The following KBTBD4 variants were observed in gnomAD, a reference collection of about 807,000 sequenced individuals.
KBTBD4 encodes the protein kelch repeat and BTB domain-containing protein 4.
In KBTBD4, 30 loss-of-function variants were observed where a neutral mutation model predicts 43.9. The ratio of observed to expected loss-of-function variants is 0.68; its 90% CI spans 0.51 to 0.93. The LOEUF is 0.93. KBTBD4 is among the 40% of genes least tolerant of loss of function. The pLI, the probability that KBTBD4 is intolerant of heterozygous loss-of-function variation, is 0.00. For missense variants in KBTBD4, 575 were observed against 668.8 expected (o/e 0.86, Z 1.55); for synonymous variants, 258 against 256.9 (o/e 1.00, Z -0.04).
Position 47,577,757 on chromosome 11 carries a change from G to C in KBTBD4, c.291C>G (p.Ala97=), listed in dbSNP as rs747496830. 6.2e-7 allele frequency: 1 copy of C among 1,614,140 alleles called. No homozygotes were observed. Among genetic ancestry groups the C allele is most frequent in the Admixed American group, 1.7e-5 (1 of 60,002 alleles). Residue 97 remains alanine (A), a synonymous_variant, in exon 2 of 4, where the codon GCC becomes GCG. Transcript: ENST00000430070. ...CCTGCAGCACAATCACCCGGTTGTG[G>C]GCCTCCTTCAGGTTGGAAGTGAACA... The part of the protein sequence containing the change: ...RSMFTSNLKE[A]HNRVIVLQDV...
chr11:47,577,165 T>C (rs1238870307), intron 2 of KBTBD4, among the ~76,000 whole-genome samples: 3 of 152,210 alleles, frequency 2.0e-5, no homozygotes, highest in Non-Finnish European at 4.4e-5. Context: ...CACTCCTCAC[T>C]ACTCTGTGTG....
chr11:47,573,293 T>C lies in KBTBD4; in HGVS notation c.1242A>G (p.Arg414=), dbSNP rs143123317. The change falls in exon 4 of 4, where the codon CGA becomes CGG. Residue 414 remains arginine (R), a synonymous_variant. Coordinates refer to ENST00000430070, the MANE Select transcript of KBTBD4 (RefSeq NM_018095.6). This position sits in a 1 kb window ranked among gnomAD's most constrained non-coding sequence, Gnocchi z 4.1. ...TCTCTGTGTCAAAGCACTGGATGAG[T>C]CGGGAAGGTTTGGTAAAGAAGTCCA... The part of the protein sequence containing the change: ...NDLDFFTKPS[R]LIQCFDTETD... 11 of 1,613,854 alleles carry C rather than the reference T, an allele frequency of 6.8e-6. No homozygotes were observed. The highest frequency in any genetic ancestry group is 9.3e-6 in the Non-Finnish European group (11 of 1,179,982).
Position 47,572,877 on chromosome 11 carries a change from G to A in KBTBD4, c.*53C>T, listed in dbSNP as rs2097251756. 7 of 1,559,832 alleles carry A rather than the reference G, an allele frequency of 4.5e-6. No homozygotes were observed. The highest frequency in any genetic ancestry group is 6.1e-6 in the Non-Finnish European group (7 of 1,151,796). On this transcript the variant is annotated 3_prime_UTR_variant, in exon 4 of 4. Transcript: ENST00000430070. ...TGAATTGGGGCCCAGGGGACTTTGA[G>A]TTTGTATGGGGAGGGAAAAGGAGTG...
chr11:47,575,268 G>A (rs997880162), intron 3 of KBTBD4, among the ~76,000 whole-genome samples: 5 of 151,784 alleles, frequency 3.3e-5, no homozygotes, highest in Non-Finnish European at 7.4e-5. Context: ...CAGCACTTTG[G>A]GAGGCGGAGG....
At chr11:47,578,559 TGCTTCCCCCAC>T (rs2097264782) in intron 1 of KBTBD4, 2 of 699,826 alleles carry the variant, frequency 2.9e-6, no homozygotes, top group Non-Finnish European at 5.2e-6. Context: ...TCTTCTGAGC[TGCTTCCCCCAC>T]ACTTCCCCGC....
At chr11:47,575,324 C>T (rs185415625) in intron 3 of KBTBD4, among the ~76,000 whole-genome samples, 27 of 151,328 alleles carry the variant, frequency 1.8e-4, no homozygotes, top group African/African-American at 6.3e-4. Context: ...CTGGCTAACA[C>T]GATGAAACCC....
rs754462828 is a variant in KBTBD4, at chr11:47,573,794, T to G, written c.745-4A>C. On this transcript the variant is annotated splice_polypyrimidine_tract_variant and splice_region_variant and intron_variant, in intron 3 of 3. Transcript: ENST00000430070. The surrounding 1 kb of genome is among the most constrained non-coding windows in gnomAD (Gnocchi z 4.1). ...TGTGCACATTCTCCCCAATTTCCTATTGGCAAAATTAAAATTATATGACAG... is the reference window on the plus strand; with the variant it reads ...TGTGCACATTCTCCCCAATTTCCTAGTGGCAAAATTAAAATTATATGACAG... 4.7e-5 allele frequency: 74 copies of G among 1,564,578 alleles called. No individual in the cohort carries two copies. Among genetic ancestry groups the G allele is most frequent in the Non-Finnish European group, 6.1e-5 (71 of 1,156,798 alleles).
In KBTBD4 at chr11:47,573,484, G is replaced by A; in HGVS notation, c.1051C>T (p.Leu351=). Residue 351 remains leucine, a synonymous_variant, in exon 4 of 4, where the codon CTG becomes TTG. Transcript: ENST00000430070. This position sits in a 1 kb window ranked among gnomAD's most constrained non-coding sequence, Gnocchi z 4.1. The stretch of plus-strand genomic sequence containing the variant: ...GTATCTTGCAGTGTCTTGCCACCCA[G>A]TGAATATATGGCATCTTTCCCGGGC... The part of the protein sequence containing the change: ...SVPGKDAIYS[L]GGKTLQDTLS... 1.9e-6 allele frequency: 3 copies of A among 1,614,208 alleles called. No homozygotes were observed. The highest frequency in any genetic ancestry group is 2.5e-6 in the Non-Finnish European group (3 of 1,180,036).
Position 47,577,607 on chromosome 11 carries a change from A to G in KBTBD4, c.441T>C (p.Phe147=). Residue 147 remains phenylalanine (F), a synonymous_variant, in exon 2 of 4, where the codon TTT becomes TTC. Coordinates refer to ENST00000430070, the MANE Select transcript of KBTBD4 (RefSeq NM_018095.6). ...GGGCCAAAAACCGAGAGCATTCCTCAAAGAGAGATGTCAGCTGATACATGT... is the reference window on the plus strand; with the variant it reads ...GGGCCAAAAACCGAGAGCATTCCTCGAAGAGAGATGTCAGCTGATACATGT... ...VSDMYQLTSL[F]EECSRFLART... 1 of 1,614,208 alleles carries G rather than the reference A, an allele frequency of 6.2e-7. No individual in the cohort carries two copies. The highest frequency in any genetic ancestry group is 8.5e-7 in the Non-Finnish European group (1 of 1,180,032).
Position 47,573,361 on chromosome 11 carries a change from G to C in KBTBD4, c.1174C>G (p.Leu392Val). 1 of 1,614,202 alleles carries C rather than the reference G, an allele frequency of 6.2e-7. No individual in the cohort carries two copies. The highest frequency in any genetic ancestry group is 8.5e-7 in the Non-Finnish European group (1 of 1,180,042). The change falls in exon 4 of 4, where the codon CTC (leucine) becomes GTC (valine). Residue 392 changes from leucine (L) to valine (V), a missense_variant. Coordinates refer to ENST00000430070, the MANE Select transcript of KBTBD4 (RefSeq NM_018095.6). The surrounding 1 kb of genome is among the most constrained non-coding windows in gnomAD (Gnocchi z 4.1). ...CCTAGTAAGTAGATGATCCCGTTGA[G>C]GTTGGCACCAGCAGCCCCTGACACA... ...VAVSGAAGANLNGIIYLLGGE... is the reference protein window; with the variant it reads ...VAVSGAAGANVNGIIYLLGGE...
At chr11:47,577,121 C>T (rs530584195) in intron 2 of KBTBD4, among the ~76,000 whole-genome samples, 2 of 152,152 alleles carry the variant, frequency 1.3e-5, no homozygotes, top group Non-Finnish European at 2.9e-5. Context: ...CTGGGACATA[C>T]GAAGTACAGG....
At chr11:47,575,816 T>C in intron 2 of KBTBD4, 117 bp from the exon 3 acceptor site, 1 of 624,378 alleles carries the variant, frequency 1.6e-6, no homozygotes. Context: ...TGTATATGTG[T>C]ACATGCATAC....
rs1333591968 is a variant in KBTBD4, at chr11:47,572,223, A to C, written c.*707T>G. On this transcript the variant is annotated 3_prime_UTR_variant, in exon 4 of 4. Coordinates refer to ENST00000430070, the MANE Select transcript of KBTBD4 (RefSeq NM_018095.6). Reference sequence around the variant, plus strand: ...CCCTTCAAAAACTTTTATTTGTATCAACAGTTCCTAGCTCTTGACTTAGCT... The same window carrying C: ...CCCTTCAAAAACTTTTATTTGTATCCACAGTTCCTAGCTCTTGACTTAGCT... 6.5e-6 allele frequency: 1 copy of C among 152,936 alleles called. No individual in the cohort carries two copies. Among genetic ancestry groups the C allele is most frequent in the East Asian group, 1.9e-4 (1 of 5,210 alleles). The allele number at this position is 152,936 out of a possible 1,614,324, so 9.5% of individuals were successfully genotyped here.
chr11:47,577,751 G>T lies in KBTBD4; in HGVS notation c.297C>A (p.Asn99Lys), dbSNP rs371860105. The T allele has an allele frequency of 1.2e-6, 2 of 1,614,034 alleles. No individual in the cohort carries two copies. The highest frequency in any genetic ancestry group is 2.7e-5 in the African/African-American group (2 of 74,914). Residue 99 changes from asparagine (N) to lysine (K), a missense_variant, in exon 2 of 4, where the codon AAC becomes AAA. Coordinates refer to ENST00000430070, the MANE Select transcript of KBTBD4 (RefSeq NM_018095.6). ...MFTSNLKEAH[N>K]RVIVLQDVSE... The stretch of plus-strand genomic sequence containing the variant: ...TGACATCCTGCAGCACAATCACCCG[G>T]TTGTGGGCCTCCTTCAGGTTGGAAG...
At chr11:47,578,876 G>A in intron 1 of KBTBD4, 57 bp downstream of exon 1, 2 of 1,550,950 alleles carry the variant, frequency 1.3e-6, no homozygotes, top group South Asian at 1.2e-5. Context: ...TCTGCCACAA[G>A]GAGCTAGGAC....
Position 47,572,931 on chromosome 11 carries a change from T to G in KBTBD4, c.1604A>C (p.Ter535SerextTer66). 6.2e-7 allele frequency: 1 copy of G among 1,611,876 alleles called. No individual in the cohort carries two copies. Among genetic ancestry groups the G allele is most frequent in the South Asian group, 1.1e-5 (1 of 90,782 alleles). The change falls in exon 4 of 4, where the codon TAA becomes TCA. Residue 535 changes from the stop codon to serine, a stop_lost. Transcript: ENST00000430070. The part of the protein sequence containing the change: ...LLTNLQFVLA[*>S] ...AGTTCTCCTCCCCTCCCCACAGCCT[T>G]AGGCCAACACAAACTGCAAATTGGT...
rs192889119 is a variant in KBTBD4, at chr11:47,575,310, C to T, written c.744+283G>A. ...GATCACGAGGTCAGGAGATCGAGAG[C>T]ATCCTGGCTAACACGATGAAACCCT... On this transcript the variant is annotated intron_variant, in intron 3 of 3. Transcript: ENST00000430070. Among the ~76,000 whole-genome samples, 286 of 151,846 alleles carry T rather than the reference C, an allele frequency of 1.9e-3. 1 individual carries two copies. The highest frequency in any genetic ancestry group is 0.014 in the Middle Eastern group (4 of 292).
intron 2 of KBTBD4, among the ~76,000 whole-genome samples, chr11:47,575,962 C>A (rs902689152): frequency 6.6e-5 from 10 of 150,552 alleles, no homozygotes; most frequent in African/African-American, 2.4e-4. Flanking sequence ...CTCAAGCAAT[C>A]CTGTTTCAGC....
chr11:47,578,142 T>C, intron 1 of KBTBD4, 114 bp from the exon 2 acceptor site: 1 of 1,218,792 alleles, frequency 8.2e-7, no homozygotes, highest in African/African-American at 1.5e-5. Context: ...TGGGTCCAGA[T>C]TGGCCTTAGT....
Sources: gnomAD v4.1 joint callset for allele counts (sites outside exome capture counted in the v4.1 genomes callset) on GRCh38, gnomAD v4.1.1 for gene constraint, Gnocchi (gnomAD v3.1) non-coding constraint, MANE v1.5 for transcripts, NCBI Gene and HGNC (gene_info 2026-07-23, HGNC 2026-07-21) for gene names.